The following SAMD15 variants were observed in gnomAD, a reference collection of about 807,000 sequenced individuals.
The protein encoded by SAMD15 is sterile alpha motif domain-containing protein 15.
A neutral mutation model predicts 50.5 loss-of-function variants in SAMD15; 37 were observed. The observed-to-expected ratio is 0.73, with a 90% CI of 0.56 to 0.96. The LOEUF is 0.96. Among genes scored for constraint, SAMD15 ranks in the 40% least tolerant of loss-of-function variants. The pLI is 0.00. For synonymous variants in SAMD15, 255 were observed against 282.8 expected (o/e 0.90, Z 0.99); for missense variants, 789 against 783.8 (o/e 1.01, Z -0.08).
Position 77,377,736 on chromosome 14 carries a change from G to C in SAMD15, c.318G>C (p.Glu106Asp). The change falls in exon 1 of 3, where the codon GAG becomes GAC. Residue 106 changes from glutamate to aspartate, a missense_variant. Transcript: ENST00000216471. ...AAACTGAACCAGGGATACACCAAGA[G>C]GTAAAGTCGGAAACATCCAGAGAGA... Reference protein sequence around the residue: ...PSETEPGIHQEVKSETSREMG... With the variant: ...PSETEPGIHQDVKSETSREMG... 2 of 1,614,184 alleles carry C rather than the reference G, an allele frequency of 1.2e-6. No individual in the cohort carries two copies. Among genetic ancestry groups the C allele is most frequent in the Non-Finnish European group, 1.7e-6 (2 of 1,180,038 alleles).
intron 2 of SAMD15, among the ~76,000 whole-genome samples, chr14:77,383,977 C>CAAAAAA (rs71128618): frequency 6.8e-5 from 4 of 59,084 alleles, no homozygotes; most frequent in African/African-American, 2.8e-4. Flanking sequence ...GACTCAGTCT[C>CAAAAAA]AAAAAAAAAA....
chr14:77,381,652 A>G (rs563229551), intron 2 of SAMD15, among the ~76,000 whole-genome samples: 2 of 152,342 alleles, frequency 1.3e-5, no homozygotes, highest in South Asian at 2.1e-4. Flanking sequence ...CTAAAATTCC[A>G]TAAGTCATAT....
At chr14:77,385,071 T>C (rs551757951) in intron 2 of SAMD15, among the ~76,000 whole-genome samples, 108 of 151,754 alleles carry the variant, frequency 7.1e-4, no homozygotes, top group African/African-American at 2.5e-3. Flanking sequence ...TAATCCCAGC[T>C]ACTAGGGAGG....
intron 2 of SAMD15, among the ~76,000 whole-genome samples, chr14:77,386,964 A>G (rs1433616922): frequency 6.6e-6 from 1 of 152,260 alleles, no homozygotes; most frequent in East Asian, 1.9e-4. Flanking sequence ...TTCTGCCGTG[A>G]TGCCACGCAC....
Position 77,378,966 on chromosome 14 carries a change from G to T in SAMD15, c.1548G>T (p.Leu516Phe). 6.2e-7 allele frequency: 1 copy of T among 1,614,152 alleles called. No homozygotes were observed. The highest frequency in any genetic ancestry group is 8.5e-7 in the Non-Finnish European group (1 of 1,180,038). Residue 516 changes from leucine (L) to phenylalanine (F), a missense_variant, in exon 1 of 3, where the codon TTG (leucine) becomes TTT (phenylalanine). This residue lies in a region of SAMD15 where 770 missense variants were observed against 745.4 expected (regional missense o/e 1.03). Transcript: ENST00000216471. ...TTCATGAAAAGGAAGTTGTAGATTT[G>T]TCCCAAGAGTTGAAGGAACGGGTCT... is the stretch of plus-strand genomic sequence containing the variant. Reference protein sequence around the residue: ...EFVHEKEVVDLSQELKERVSE... With the variant: ...EFVHEKEVVDFSQELKERVSE...
At chr14:77,383,977 CAAAAAA>C (rs71128618) in intron 2 of SAMD15, among the ~76,000 whole-genome samples, 26 of 59,074 alleles carry the variant, frequency 4.4e-4, no homozygotes, top group South Asian at 1.8e-3. Context: ...GACTCAGTCT[CAAAAAA>C]AAAAAAAAAA....
Position 77,379,113 on chromosome 14 carries a change from C to A in SAMD15, c.1689+6C>A. 1 of 1,605,522 alleles carries A rather than the reference C, an allele frequency of 6.2e-7. No individual in the cohort carries two copies. The highest frequency in any genetic ancestry group is 1.7e-5 in the Admixed American group (1 of 57,934). The stretch of plus-strand genomic sequence containing the variant: ...TAGGCTTCCCTCAATACAAGGTATA[C>A]AAAAATAAGATGTTTTGAAATCACA... On this transcript the variant is annotated splice_donor_region_variant and intron_variant, in intron 1 of 2. Coordinates refer to ENST00000216471, the MANE Select transcript of SAMD15 (RefSeq NM_001010860.4).
rs1594860569 is a variant in SAMD15 at position 77,379,110 on chromosome 14, A to G, written c.1689+3A>G. Reference sequence around the variant, plus strand: ...AGCTAGGCTTCCCTCAATACAAGGTATACAAAAATAAGATGTTTTGAAATC... The same window carrying G: ...AGCTAGGCTTCCCTCAATACAAGGTGTACAAAAATAAGATGTTTTGAAATC... On this transcript the variant is annotated splice_donor_region_variant and intron_variant, in intron 1 of 2. Transcript: ENST00000216471. The G allele has an allele frequency of 3.1e-6, 5 of 1,606,684 alleles. 1 individual carries two copies. Among genetic ancestry groups the G allele is most frequent in the Non-Finnish European group, 1.7e-6 (2 of 1,176,920 alleles).
At chr14:77,379,137 C>T (rs1472767921) in intron 1 of SAMD15, 30 bp downstream of exon 1, 36 of 1,590,060 alleles carry the variant, frequency 2.3e-5, no homozygotes, top group African/African-American at 2.7e-5. Context: ...TTTGAAATCA[C>T]ATGCTGTCAT....
intron 2 of SAMD15, among the ~76,000 whole-genome samples, chr14:77,383,439 T>A (rs2139650787): frequency 6.6e-6 from 1 of 152,348 alleles, no homozygotes; most frequent in East Asian, 1.9e-4. Flanking sequence ...TTATAGTTTT[T>A]CTTATCTTGC....
intron 2 of SAMD15, among the ~76,000 whole-genome samples, chr14:77,388,303 T>G (rs1410901726): frequency 6.6e-6 from 1 of 151,784 alleles, no homozygotes; most frequent in Non-Finnish European, 1.5e-5. Context: ...TAAAAGAGAA[T>G]CAGGGTGAGA....
intron 1 of SAMD15, among the ~76,000 whole-genome samples, chr14:77,379,955 C>T (rs1166459566): frequency 1.3e-5 from 2 of 152,272 alleles, no homozygotes; most frequent in East Asian, 3.9e-4. Flanking sequence ...TTTAAGGCTA[C>T]CACAAAACAA....
Position 77,391,433 on chromosome 14 carries a change from T to C in SAMD15, c.*189T>C. 4.3e-6 allele frequency: 2 copies of C among 460,644 alleles called. No homozygotes were observed. The highest frequency in any genetic ancestry group is 6.8e-5 in the East Asian group (2 of 29,252). 28.5% of individuals were successfully genotyped at this position (460,644 alleles called of 1,614,324 possible). A position where few individuals can be genotyped will look rare whatever the true frequency, so the allele number is the denominator to read the frequency against. Reference sequence around the variant, plus strand: ...ACTGCAACCTTGCGATTCTCCTGTCTCAGCCTCCCGAGTAGCTGGGATTAC... The same window carrying C: ...ACTGCAACCTTGCGATTCTCCTGTCCCAGCCTCCCGAGTAGCTGGGATTAC... On this transcript the variant is annotated 3_prime_UTR_variant, in exon 3 of 3. Coordinates refer to ENST00000216471, the MANE Select transcript of SAMD15 (RefSeq NM_001010860.4).
Position 77,378,044 on chromosome 14 carries a change from C to T in SAMD15, c.626C>T (p.Pro209Leu). Residue 209 changes from proline (P) to leucine (L), a missense_variant, in exon 1 of 3, where the codon CCA becomes CTA. Pro to Leu is a moderately conservative substitution (Grantham distance 98, BLOSUM62 -3). This residue lies in a region of SAMD15 where 770 missense variants were observed against 745.4 expected (regional missense o/e 1.03). Transcript: ENST00000216471. ...CATGAAGAGACAGGTCTAGAGCCTC[C>T]AGAGCAGACCAAACAAGATTTTCCA... is the stretch of plus-strand genomic sequence containing the variant. Reference protein sequence around the residue: ...VQHEETGLEPPEQTKQDFPSE... With the variant: ...VQHEETGLEPLEQTKQDFPSE... The T allele has an allele frequency of 6.2e-7, 1 of 1,613,850 alleles. No homozygotes were observed. The highest frequency in any genetic ancestry group is 8.5e-7 in the Non-Finnish European group (1 of 1,179,986).
chr14:77,388,464 G>A (rs1393622582), intron 2 of SAMD15, among the ~76,000 whole-genome samples: 3 of 151,386 alleles, frequency 2.0e-5, no homozygotes, highest in East Asian at 1.9e-4. Context: ...CTAGGCCGCA[G>A]TGCAGTGGCA....
chr14:77,391,087 A>AT lies in SAMD15; in HGVS notation c.1869dup (p.Ile624TyrfsTer17). The AT allele has an allele frequency of 8.7e-6, 14 of 1,614,034 alleles. No individual in the cohort carries two copies. The highest frequency in any genetic ancestry group is 1.2e-5 in the Non-Finnish European group (14 of 1,179,948). On this transcript the variant is annotated frameshift_variant, in exon 3 of 3. Coordinates refer to ENST00000216471, the MANE Select transcript of SAMD15 (RefSeq NM_001010860.4). LOFTEE classifies it low-confidence loss of function (END_TRUNC). The stretch of plus-strand genomic sequence containing the variant: ...CGCTCCATCAGCCTTCCCTATAGGG[A>AT]TATTATCGGCTTATATTTAGAGCAA...
chr14:77,387,995 A>T (rs553708491), intron 2 of SAMD15, among the ~76,000 whole-genome samples: 25 of 152,304 alleles, frequency 1.6e-4, no homozygotes, highest in African/African-American at 6.0e-4. Context: ...GAGAGCTATG[A>T]TCACACCACT....
chr14:77,377,455 G>C lies in SAMD15; in HGVS notation c.37G>C (p.Asp13His). 1 of 1,613,586 alleles carries C rather than the reference G, an allele frequency of 6.2e-7. No individual in the cohort carries two copies. Among genetic ancestry groups the C allele is most frequent in the African/African-American group, 1.3e-5 (1 of 75,006 alleles). Reference protein sequence around the residue: ...EVPEDYDSGPDEDGELEPERP... With the variant: ...EVPEDYDSGPHEDGELEPERP... ...CCCGGAGGATTATGATTCCGGCCCAGATGAAGATGGAGAGCTGGAGCCTGA... is the reference window on the plus strand; with the variant it reads ...CCCGGAGGATTATGATTCCGGCCCACATGAAGATGGAGAGCTGGAGCCTGA... Residue 13 changes from aspartate (D) to histidine (H), a missense_variant, in exon 1 of 3, where the codon GAT (aspartate) becomes CAT (histidine). This residue lies in a region of SAMD15 where 770 missense variants were observed against 745.4 expected (regional missense o/e 1.03). Transcript: ENST00000216471.
In SAMD15 at chr14:77,378,277, G is replaced by A. The variant is rs777138168; in HGVS notation, c.859G>A (p.Glu287Lys). ...AGAGCCTCCAGAAGAGACTCAACCA[G>A]AGGTTCCAGAGGAGATGCAAAGAAA... is the stretch of plus-strand genomic sequence containing the variant. ...GLEPPEETQP[E>K]VPEEMQRKAT... The change falls in exon 1 of 3, where the codon GAG (glutamate) becomes AAG (lysine). Residue 287 changes from glutamate (E) to lysine (K), a missense_variant. Around this residue, in one of 2 missense-constraint regions of SAMD15, gnomAD observed 770 missense variants for 745.4 expected, o/e 1.03. Transcript: ENST00000216471. The A allele has an allele frequency of 7.4e-6, 12 of 1,612,468 alleles. No individual in the cohort carries two copies. In the East Asian group the frequency reaches 8.9e-5, roughly 12 times the overall value.
Sources: gnomAD v4.1 joint callset for allele counts (sites outside exome capture counted in the v4.1 genomes callset) on GRCh38, gnomAD v4.1.1 for gene constraint, gnomAD v4.1.1 regional missense constraint, MANE v1.5 for transcripts, NCBI Gene and HGNC (gene_info 2026-07-23, HGNC 2026-07-21) for gene names.